FXN: variants seen among roughly 807,000 people sequenced by gnomAD.
FXN encodes frataxin, mitochondrial.
A neutral mutation model predicts 22.4 loss-of-function variants in FXN; 14 were observed. The observed-to-expected ratio is 0.62, with a 90% CI of 0.41 to 0.98. FXN has a LOEUF of 0.98. Ranked by LOEUF, FXN falls within the 50% of genes least tolerant of loss-of-function variation. The pLI, the probability that FXN is intolerant of heterozygous loss-of-function variation, is 0.00. For missense variants in FXN, 267 were observed against 268.4 expected, an observed-to-expected ratio of 0.99 and a Z score of 0.04; for synonymous variants, 120 against 114.1, an observed-to-expected ratio of 1.05 and a Z score of -0.33.
chr9:69,069,236 G>T (rs1172467719), intron 4 of FXN, among the ~76,000 whole-genome samples: 3 of 152,150 alleles, frequency 2.0e-5, no homozygotes, highest in Admixed American at 6.5e-5. Context: ...ATGGTGGCAG[G>T]CACCTGTAAT....
Position 69,061,721 on chromosome 9 carries a change from C to T in FXN, c.385-3217C>T, listed in dbSNP as rs560535512. On this transcript the variant is annotated intron_variant, in intron 3 of 4. Coordinates refer to ENST00000484259, the MANE Select transcript of FXN (RefSeq NM_000144.5). ...TCCCCAGAGTGTGATGTTCCCCTTC[C>T]TGTGACCATGTGTTCTCATTGTTCA... Among the ~76,000 whole-genome samples, 36 of 149,444 alleles carry T rather than the reference C, an allele frequency of 2.4e-4. No individual in the cohort carries two copies. The East Asian group carries it at 4.3e-3, about 18-fold the overall frequency.
Position 69,072,951 on chromosome 9 carries a change from A to G in FXN, c.*189A>G. 1 of 1,445,604 alleles carries G rather than the reference A, an allele frequency of 6.9e-7. No homozygotes were observed. The highest frequency in any genetic ancestry group is 9.0e-7 in the Non-Finnish European group (1 of 1,108,900). The allele number at this position is 1,445,604 out of a possible 1,614,324, so 89.5% of individuals were successfully genotyped here. On this transcript the variant is annotated 3_prime_UTR_variant, in exon 5 of 5. Transcript: ENST00000484259. ...CCTCCTACCTTGCCCCCAAGTTCTG[A>G]TTTTTAATTTCTATGGAAGATTTTT...
At chr9:69,053,298 C>T (rs1200052411) in intron 3 of FXN, 38 bp downstream of exon 3, 3 of 1,608,322 alleles carry the variant, frequency 1.9e-6, no homozygotes. Flanking sequence ...GTTTCCCCCT[C>T]TAAGAATTTT....
chr9:69,075,162 A>T lies in FXN; in HGVS notation c.*2400A>T. The T allele has an allele frequency of 1.0e-6, 1 of 985,454 alleles. No homozygotes were observed. The highest frequency in any genetic ancestry group is 1.2e-6 in the Non-Finnish European group (1 of 829,966). 61.0% of individuals were successfully genotyped at this position (985,454 alleles called of 1,614,324 possible). A position where few individuals can be genotyped will look rare whatever the true frequency, so the allele number is the denominator to read the frequency against. ...CCAAGGCAGTGGGAGATCCCCATTT[A>T]AGGAAAGAAAAGGGGCCTGGCACAG... On this transcript the variant is annotated 3_prime_UTR_variant, in exon 5 of 5. Coordinates refer to ENST00000484259, the MANE Select transcript of FXN (RefSeq NM_000144.5).
chr9:69,057,174 C>A (rs1242691132), intron 3 of FXN, among the ~76,000 whole-genome samples: 1 of 152,176 alleles, frequency 6.6e-6, no homozygotes, highest in Non-Finnish European at 1.5e-5. Context: ...GAACTCCTTT[C>A]CCATCATGGC....
At chr9:69,059,283 CTTAAG>C (rs1168273147) in intron 3 of FXN, among the ~76,000 whole-genome samples, 2 of 150,638 alleles carry the variant, frequency 1.3e-5, no homozygotes, top group African/African-American at 4.9e-5. Flanking sequence ...TTTAGCTACA[CTTAAG>C]TTAACATACT....
intron 1 of FXN, among the ~76,000 whole-genome samples, chr9:69,045,807 A>C (rs920198487): frequency 2.0e-5 from 3 of 149,990 alleles, no homozygotes; most frequent in African/African-American, 7.3e-5. Flanking sequence ...GAAAGTGGAC[A>C]CTTTTATAAG....
At chr9:69,044,331 C>CT (rs1195754673) in intron 1 of FXN, among the ~76,000 whole-genome samples, 5 of 152,146 alleles carry the variant, frequency 3.3e-5, no homozygotes, top group African/African-American at 9.7e-5. Context: ...TGCGATAGCT[C>CT]TAACAGTGGT....
chr9:69,036,053 C>T (rs1371248092), intron 1 of FXN, 106 bp downstream of exon 1: 3 of 1,015,652 alleles, frequency 3.0e-6, no homozygotes, highest in Non-Finnish European at 3.7e-6. Flanking sequence ...CGGGTACGCG[C>T]GCTGGACTAG....
chr9:69,064,079 G>A lies in FXN; in HGVS notation c.385-859G>A, dbSNP rs149166088. On this transcript the variant is annotated intron_variant, in intron 3 of 4. Coordinates refer to ENST00000484259, the MANE Select transcript of FXN (RefSeq NM_000144.5). ...GAATGCACAGAAAAAGGCTGCCACC[G>A]TGTATCTCTGCAAGTCATGCACAAG... Among the ~76,000 whole-genome samples the A allele has an allele frequency of 1.6e-4, 24 of 152,276 alleles. No homozygotes were observed. In the East Asian group the frequency reaches 3.3e-3, roughly 21 times the overall value.
intron 1 of FXN, among the ~76,000 whole-genome samples, chr9:69,039,907 C>T (rs1202064761): frequency 1.3e-5 from 2 of 152,132 alleles, no homozygotes; most frequent in African/African-American, 4.8e-5. Flanking sequence ...GAGGCGGCAC[C>T]GGGCGTCATA....
intron 1 of FXN, among the ~76,000 whole-genome samples, chr9:69,045,579 C>G (rs937509681): frequency 6.6e-6 from 1 of 151,852 alleles, no homozygotes; most frequent in African/African-American, 2.4e-5. Flanking sequence ...GGCGACAGAG[C>G]GAGACTTCAT....
intron 3 of FXN, among the ~76,000 whole-genome samples, chr9:69,058,820 G>A (rs541494830): frequency 1.3e-5 from 2 of 152,178 alleles, no homozygotes; most frequent in African/African-American, 2.4e-5. Flanking sequence ...TGTAATCCCA[G>A]CACTTTGGGA....
chr9:69,056,350 TGGGAGGATCTATGAATATTCACAAA>T (rs1287573532), intron 3 of FXN, among the ~76,000 whole-genome samples: 5 of 152,214 alleles, frequency 3.3e-5, no homozygotes, highest in African/African-American at 1.2e-4. Flanking sequence ...CAACAGATTA[TGGGAGGATCTATGAATATTCACAAA>T]GGGAGGATCT....
Position 69,074,477 on chromosome 9 carries a change from T to A in FXN, c.*1715T>A, listed in dbSNP as rs1322010218. The stretch of plus-strand genomic sequence containing the variant: ...TGACCCCAGGCGGAGGAGGTTACAG[T>A]GAGTCGAGATCGTACCTGAGCGACA... On this transcript the variant is annotated 3_prime_UTR_variant, in exon 5 of 5. Coordinates refer to ENST00000484259, the MANE Select transcript of FXN (RefSeq NM_000144.5). 4 of 979,126 alleles carry A rather than the reference T, an allele frequency of 4.1e-6. No homozygotes were observed. Among genetic ancestry groups the A allele is most frequent in the Non-Finnish European group, 4.8e-6 (4 of 826,084 alleles). The allele number at this position is 979,126 out of a possible 1,614,324, so 60.7% of individuals were successfully genotyped here.
At chr9:69,060,992 G>GTACCC (rs2133121802) in intron 3 of FXN, among the ~76,000 whole-genome samples, 1 of 152,290 alleles carries the variant, frequency 6.6e-6, no homozygotes, top group Non-Finnish European at 1.5e-5. Context: ...GACCCACAGA[G>GTACCC]GGGTAGCAGG....
intron 2 of FXN, among the ~76,000 whole-genome samples, chr9:69,049,718 AT>A (rs1831818452): frequency 6.6e-6 from 1 of 152,170 alleles, no homozygotes; most frequent in African/African-American, 2.4e-5. Flanking sequence ...TATTCACAAG[AT>A]TGTGCAGCTG....
intron 3 of FXN, among the ~76,000 whole-genome samples, chr9:69,060,179 T>C (rs1204332709): frequency 3.9e-5 from 6 of 152,152 alleles, no homozygotes; most frequent in Admixed American, 6.6e-5. Flanking sequence ...CCATTCTGGC[T>C]AACACGGTGA....
chr9:69,039,636 G>A (rs1414782624), intron 1 of FXN, among the ~76,000 whole-genome samples: 2 of 152,148 alleles, frequency 1.3e-5, no homozygotes, highest in African/African-American at 2.4e-5. Context: ...AGACAGCTTC[G>A]AGGAGGAGAT....
Sources: allele counts gnomAD v4.1 joint callset (sites outside exome capture counted in the v4.1 genomes callset), GRCh38; gene constraint gnomAD v4.1.1; transcripts MANE v1.5; gene names NCBI Gene and HGNC (gene_info 2026-07-23, HGNC 2026-07-21).